The following SARAF variants were observed in gnomAD, a reference collection of about 807,000 sequenced individuals.
The protein encoded by SARAF is store-operated calcium entry-associated regulatory factor.
Under a neutral mutation model 39.7 loss-of-function variants are expected in SARAF, and 23 were observed. The ratio of observed to expected loss-of-function variants is 0.58; its 90% confidence interval spans 0.42 to 0.82. SARAF has a LOEUF of 0.82. Ranked by LOEUF, SARAF falls within the 40% of genes least tolerant of loss-of-function variation. The probability of loss-of-function intolerance (pLI) is 0.00; values close to 1 mark genes in which losing one functional copy is unlikely to be tolerated. For missense variants in SARAF, 384 were observed against 418.5 expected, an observed-to-expected ratio of 0.92 and a Z score of 0.72; for synonymous variants, 175 against 168.5, an observed-to-expected ratio of 1.04 and a Z score of -0.30.
At chr8:30,069,111 G>C (rs1801764904) in intron 3 of SARAF, among the ~76,000 whole-genome samples, 1 of 148,812 alleles carries the variant, frequency 6.7e-6, no homozygotes, top group South Asian at 2.1e-4. Context: ...CTCTGATTAA[G>C]AGTATTTATA....
intron 5 of SARAF, chr8:30,065,632 C>T: frequency 4.6e-6 from 1 of 218,746 alleles, no homozygotes. Context: ...TAAAGTATAC[C>T]TCAATATCTT....
At chr8:30,070,281 G>A (rs1211156341) in intron 2 of SARAF, among the ~76,000 whole-genome samples, 2 of 152,030 alleles carry the variant, frequency 1.3e-5, no homozygotes, top group African/African-American at 4.8e-5. Flanking sequence ...AGTGGCAGGC[G>A]CCTATAATCC....
chr8:30,067,012 C>T, intron 3 of SARAF, 94 bp from the exon 4 acceptor site: 3 of 1,264,374 alleles, frequency 2.4e-6, no homozygotes, highest in Middle Eastern at 1.9e-4. Context: ...TTCATCTGTA[C>T]TGAATTATTA....
At chr8:30,064,545 A>ATTTTT (rs1327312959) in intron 5 of SARAF, among the ~76,000 whole-genome samples, 3 of 32,970 alleles carry the variant, frequency 9.1e-5, no homozygotes, top group Non-Finnish European at 1.8e-4. Flanking sequence ...ATATATATAT[A>ATTTTT]TATATATATA....
At chr8:30,075,262 T>C (rs1031729776) in intron 1 of SARAF, among the ~76,000 whole-genome samples, 5 of 150,528 alleles carry the variant, frequency 3.3e-5, no homozygotes, top group Non-Finnish European at 5.9e-5. Flanking sequence ...ATCACACCAT[T>C]GCACTCCAGC....
In SARAF at chr8:30,082,989, C is replaced by A; in HGVS notation, c.-40G>T. 1 of 1,478,126 alleles carries A rather than the reference C, an allele frequency of 6.8e-7. No individual in the cohort carries two copies. The highest frequency in any genetic ancestry group is 9.1e-7 in the Non-Finnish European group (1 of 1,095,410). The allele number at this position is 1,478,126 out of a possible 1,614,324, so 91.6% of individuals were successfully genotyped here. ...ATGGCGCCGGGCTGCCAGACGCCTACGGGCCGAACCTGGGTGCGGTAGCGC... is the reference window on the plus strand; with the variant it reads ...ATGGCGCCGGGCTGCCAGACGCCTAAGGGCCGAACCTGGGTGCGGTAGCGC... On this transcript the variant is annotated 5_prime_UTR_variant, in exon 1 of 6. Transcript: ENST00000256255.
chr8:30,067,101 G>A, intron 3 of SARAF, 183 bp from the exon 4 acceptor site: 2 of 646,092 alleles, frequency 3.1e-6, no homozygotes, highest in East Asian at 2.9e-5. Context: ...ATGAGGGAGA[G>A]CATTTCCCAT....
chr8:30,072,723 T>C (rs1801875192), intron 2 of SARAF, among the ~76,000 whole-genome samples: 1 of 152,212 alleles, frequency 6.6e-6, no homozygotes, highest in Non-Finnish European at 1.5e-5. Context: ...AACACTCCTT[T>C]GCTCATGCTA....
intron 5 of SARAF, among the ~76,000 whole-genome samples, chr8:30,064,875 AT>A (rs1209233299): frequency 6.6e-6 from 1 of 151,606 alleles, no homozygotes; most frequent in African/African-American, 2.4e-5. Context: ...ACCTAGTCAT[AT>A]TTTTATATAT....
At chr8:30,065,113 A>T (rs980074045) in intron 5 of SARAF, among the ~76,000 whole-genome samples, 13 of 152,302 alleles carry the variant, frequency 8.5e-5, no homozygotes, top group African/African-American at 2.9e-4. Flanking sequence ...AATACAGCAA[A>T]CATAACTCAA....
Position 30,069,776 on chromosome 8 carries a change from A to G in SARAF, c.566T>C (p.Val189Ala). 6.2e-7 allele frequency: 1 copy of G among 1,614,174 alleles called. No individual in the cohort carries two copies. Among genetic ancestry groups the G allele is most frequent in the Admixed American group, 1.7e-5 (1 of 60,028 alleles). ...IVVLLGIAFVVYKLFLSDGQY... is the reference protein window; with the variant it reads ...IVVLLGIAFVAYKLFLSDGQY... ...CCCGTCACTCAGGAACAGCTTATAG[A>G]CTACAAACGCGATCCCAAGGAGTAC... is the stretch of plus-strand genomic sequence containing the variant. The change falls in exon 3 of 6, where the codon GTC (valine) becomes GCC (alanine). Residue 189 changes from valine to alanine, a missense_variant. Transcript: ENST00000256255.
rs767411050 is a variant in SARAF at position 30,082,867 on chromosome 8, G to A, written c.83C>T (p.Ala28Val). 7.1e-6 allele frequency: 11 copies of A among 1,555,226 alleles called. No homozygotes were observed. In the East Asian group the frequency reaches 2.7e-4, roughly 38 times the overall value. ...CTCACCAGGGTCGTTCCAGCCCAGG[G>A]CAGGGCCCGCGGTCAGCAGAAACAA... ...LHLFLLTAGPALGWNDPDRML... is the reference protein window; with the variant it reads ...LHLFLLTAGPVLGWNDPDRML... The change falls in exon 1 of 6, where the codon GCC becomes GTC. Residue 28 changes from alanine (A) to valine (V), a missense_variant. Transcript: ENST00000256255.
chr8:30,067,009 G>T, intron 3 of SARAF, 91 bp from the exon 4 acceptor site: 1 of 1,281,670 alleles, frequency 7.8e-7, no homozygotes. Flanking sequence ...TATTTCATCT[G>T]TACTGAATTA....
intron 3 of SARAF, 79 bp downstream of exon 3, chr8:30,069,563 A>G: frequency 7.1e-7 from 1 of 1,413,354 alleles, no homozygotes; most frequent in Non-Finnish European, 9.6e-7. Flanking sequence ...CAATGCAACG[A>G]TTTTCTATTT....
chr8:30,077,111 A>G (rs547123847), intron 1 of SARAF, among the ~76,000 whole-genome samples: 1 of 152,344 alleles, frequency 6.6e-6, no homozygotes, highest in African/African-American at 2.4e-5. Context: ...AGGGATACTC[A>G]GAGAAAAAAC....
intron 5 of SARAF, chr8:30,065,716 G>C (rs1000228929): frequency 2.5e-6 from 1 of 398,188 alleles, no homozygotes; most frequent in South Asian, 2.5e-5. Context: ...AGGATCTCTA[G>C]AGATCACAGA....
rs765864366 is a variant in SARAF at position 30,069,723 on chromosome 8, A to G, written c.619T>C (p.Tyr207His). The G allele has an allele frequency of 5.0e-6, 8 of 1,614,146 alleles. No individual in the cohort carries two copies. Among genetic ancestry groups the G allele is most frequent in the Non-Finnish European group, 6.8e-6 (8 of 1,180,022 alleles). Residue 207 changes from tyrosine (Y) to histidine (H), a missense_variant, in exon 3 of 6, where the codon TAT becomes CAT. Transcript: ENST00000256255. ...GQYSPPPYSEYPPFSHRYQRF... is the reference protein window; with the variant it reads ...GQYSPPPYSEHPPFSHRYQRF... ...TGGTAACGGTGGGAAAATGGAGGAT[A>G]CTCAGAGTACGGTGGAGGAGAATAC...
chr8:30,080,380 T>C (rs989725189), intron 1 of SARAF, among the ~76,000 whole-genome samples: 20 of 152,210 alleles, frequency 1.3e-4, no homozygotes, highest in South Asian at 1.0e-3. Flanking sequence ...TCCTCCCCAC[T>C]TCAGGTTTCC....
At chr8:30,076,833 T>C (rs1160217050) in intron 1 of SARAF, among the ~76,000 whole-genome samples, 7 of 152,154 alleles carry the variant, frequency 4.6e-5, no homozygotes, top group Non-Finnish European at 1.0e-4. Flanking sequence ...TGCTAGCACC[T>C]TAATATTGAA....
Sources: allele counts gnomAD v4.1 joint callset (sites outside exome capture counted in the v4.1 genomes callset), GRCh38; gene constraint gnomAD v4.1.1; transcripts MANE v1.5; gene names NCBI Gene and HGNC (gene_info 2026-07-23, HGNC 2026-07-21).